Variants in CCDC7 observed in about 807,000 individuals in gnomAD.
CCDC7 encodes the protein coiled-coil domain-containing protein 7.
A neutral mutation model predicts 196.9 loss-of-function variants in CCDC7; 183 were observed. The observed-to-expected ratio is 0.93, with a 90% CI of 0.82 to 1.05. The LOEUF is 1.05. Ranked by LOEUF, CCDC7 falls within the 50% of genes least tolerant of loss-of-function variation. The pLI is 0.00. For missense variants in CCDC7, 1,540 were observed against 1,482.2 expected (o/e 1.04, Z -0.64); for synonymous variants, 525 against 484.6 (o/e 1.08, Z -1.10).
intron 21 of CCDC7, among the ~76,000 whole-genome samples, chr10:32,671,613 T>C (rs1050734965): frequency 6.6e-6 from 1 of 152,220 alleles, no homozygotes; most frequent in African/African-American, 2.4e-5. Context: ...AGGAGATTAT[T>C]GTGGTGTTTT....
In CCDC7 at chr10:32,821,957, T is replaced by TAACAAAAAAAGAAAAACA. The variant is rs1240581981; in HGVS notation, c.3182-2553_3182-2536dup. On this transcript the variant is annotated intron_variant, in intron 31 of 41. Coordinates refer to ENST00000639629, the Ensembl canonical transcript of CCDC7. ...CACATGTACCCTAAAACTTAAAGTA[T>TAACAAAAAAAGAAAAACA]AACAAAAAAAGAAAAACAAACAAAA... Among the ~76,000 whole-genome samples the TAACAAAAAAAGAAAAACA allele has an allele frequency of 1.0e-4, 15 of 145,328 alleles. 1 individual carries two copies. The highest frequency in any genetic ancestry group is 3.5e-3 in the Middle Eastern group (1 of 288).
intron 28 of CCDC7, among the ~76,000 whole-genome samples, chr10:32,768,166 A>T (rs750795390): frequency 3.9e-5 from 6 of 152,132 alleles, no homozygotes; most frequent in Admixed American, 1.3e-4. Flanking sequence ...CTTGTATTTA[A>T]CATTACAAGT....
Position 32,461,709 on chromosome 10 carries a change from G to GTA in CCDC7, c.457-954_457-953dup, listed in dbSNP as rs771403958. ...TACATATATGTGTGTGTGTGTGTGT[G>GTA]TATATATATATATATATATATGTAT... is the stretch of plus-strand genomic sequence containing the variant. On this transcript the variant is annotated intron_variant, in intron 3 of 41. Transcript: ENST00000639629. Among the ~76,000 whole-genome samples the GTA allele has an allele frequency of 2.2e-3, 125 of 57,478 alleles. 2 individuals are homozygous for GTA. Among genetic ancestry groups the GTA allele is most frequent in the African/African-American group, 8.7e-3 (111 of 12,798 alleles). 37.7% of individuals were successfully genotyped at this position (57,478 alleles called of 152,430 possible). A position where few individuals can be genotyped will look rare whatever the true frequency, so the allele number is the denominator to read the frequency against.
At chr10:32,753,420 TAATA>T (rs767842002) in intron 28 of CCDC7, among the ~76,000 whole-genome samples, 1 of 152,158 alleles carries the variant, frequency 6.6e-6, no homozygotes, top group Non-Finnish European at 1.5e-5. Context: ...ATCAAATATT[TAATA>T]AATAATCCAC....
At chr10:32,874,130 C>CAT (rs937948067) in intron 41 of CCDC7, among the ~76,000 whole-genome samples, 79 of 148,888 alleles carry the variant, frequency 5.3e-4, no homozygotes, top group African/African-American at 1.8e-3. Flanking sequence ...TGCTGAAAGT[C>CAT]ATATATATAT....
At chr10:32,545,884 C>G (rs1442586606) in intron 13 of CCDC7, among the ~76,000 whole-genome samples, 1 of 110,722 alleles carries the variant, frequency 9.0e-6, no homozygotes, top group Non-Finnish European at 1.7e-5. Flanking sequence ...CCAGCCTGGG[C>G]AACAGAGCAA....
chr10:32,530,722 C>G (rs1351489689), intron 11 of CCDC7, among the ~76,000 whole-genome samples: 1 of 152,082 alleles, frequency 6.6e-6, no homozygotes, highest in African/African-American at 2.4e-5. Context: ...AATTAGACTT[C>G]TTCCTTTACA....
chr10:32,853,934 T>C (rs894793352), intron 40 of CCDC7, among the ~76,000 whole-genome samples: 1 of 152,206 alleles, frequency 6.6e-6, no homozygotes, highest in Non-Finnish European at 1.5e-5. Flanking sequence ...GTTTGTTACA[T>C]GGGTATACTG....
chr10:32,878,303 T>C (rs2094663437), downstream of CCDC7, among the ~76,000 whole-genome samples: 1 of 152,060 alleles, frequency 6.6e-6, no homozygotes, highest in Non-Finnish European at 1.5e-5. Context: ...GAATTACCAA[T>C]GATCCAATAG....
At chr10:32,860,242 T>G (rs2093928627) in intron 41 of CCDC7, among the ~76,000 whole-genome samples, 1 of 152,216 alleles carries the variant, frequency 6.6e-6, no homozygotes, top group Non-Finnish European at 1.5e-5. Flanking sequence ...ATCCCTGGGA[T>G]GCAAGGCTGG....
At chr10:32,594,394 G>T (rs1362004925) in intron 18 of CCDC7, among the ~76,000 whole-genome samples, 1 of 152,150 alleles carries the variant, frequency 6.6e-6, no homozygotes, top group Non-Finnish European at 1.5e-5. Flanking sequence ...TTTGCACATT[G>T]ATTTTGTATC....
At chr10:32,750,148 A>G (rs533599319) in intron 28 of CCDC7, among the ~76,000 whole-genome samples, 4 of 152,294 alleles carry the variant, frequency 2.6e-5, no homozygotes, top group Admixed American at 6.5e-5. Context: ...AATTCTCTAA[A>G]TATCCTTTCT....
intron 18 of CCDC7, among the ~76,000 whole-genome samples, chr10:32,616,754 A>T (rs191653957): frequency 3.0e-4 from 46 of 151,820 alleles, no homozygotes; most frequent in African/African-American, 1.1e-3. Context: ...TCTTAGAGGG[A>T]ATGCTTTCAA....
intron 29 of CCDC7, among the ~76,000 whole-genome samples, chr10:32,801,790 C>T (rs994587644): frequency 1.3e-5 from 2 of 152,172 alleles, no homozygotes; most frequent in Non-Finnish European, 2.9e-5. Context: ...TTAATTTCCT[C>T]AGCAAATGTG....
At chr10:32,584,007 C>T (rs1432063693) in intron 17 of CCDC7, among the ~76,000 whole-genome samples, 1 of 152,102 alleles carries the variant, frequency 6.6e-6, no homozygotes, top group Non-Finnish European at 1.5e-5. Flanking sequence ...GGGCACCCTC[C>T]TTGCTATTCA....
rs549241544 is a variant in CCDC7, at chr10:32,821,903, A to T, written c.3182-2615A>T. Among the ~76,000 whole-genome samples, 24 of 152,290 alleles carry T rather than the reference A, an allele frequency of 1.6e-4. 1 individual carries two copies. In the South Asian group the frequency reaches 5.0e-3, roughly 32 times the overall value. On this transcript the variant is annotated intron_variant, in intron 31 of 41. Transcript: ENST00000639629. ...TGCAGCACACCAACATGGCACATGT[A>T]TACATATGTAACAAACCTGCACGTT... is the stretch of plus-strand genomic sequence containing the variant.
At chr10:32,444,387 C>T (rs909920706), upstream of CCDC7, among the ~76,000 whole-genome samples, 106 of 152,312 alleles carry the variant, frequency 7.0e-4, no homozygotes, top group African/African-American at 2.4e-3. Flanking sequence ...ACATTGTCAG[C>T]ACTGATAACT....
At chr10:32,713,802 A>G (rs1213225711) in intron 25 of CCDC7, among the ~76,000 whole-genome samples, 2 of 152,188 alleles carry the variant, frequency 1.3e-5, no homozygotes, top group African/African-American at 4.8e-5. Context: ...CACTCTTTCC[A>G]TTGGCCAGTG....
chr10:32,473,610 C>T lies in CCDC7; in HGVS notation c.740-357C>T, dbSNP rs575886988. Among the ~76,000 whole-genome samples the T allele has an allele frequency of 6.6e-5, 10 of 151,944 alleles. No homozygotes were observed. In the South Asian group the frequency reaches 1.9e-3, roughly 28 times the overall value. On this transcript the variant is annotated intron_variant, in intron 7 of 41. Coordinates refer to ENST00000639629, the Ensembl canonical transcript of CCDC7. ...TGTGATCAGTACCTATATTCAGAGA[C>T]TAGTGAAAAGAAGAAGGGAGTCAGG... is the stretch of plus-strand genomic sequence containing the variant.
Sources: allele counts gnomAD v4.1 joint callset (sites outside exome capture counted in the v4.1 genomes callset), GRCh38; gene constraint gnomAD v4.1.1; transcripts MANE v1.5; gene names NCBI Gene and HGNC (gene_info 2026-07-23, HGNC 2026-07-21).